MOB3B: variants seen among roughly 807,000 people sequenced by gnomAD.
MOB3B encodes the protein MOB kinase activator 3B, also known as MOB kinase activator-like 2B.
Under a neutral mutation model 18.7 loss-of-function variants are expected in MOB3B, and 7 were observed. The observed-to-expected ratio is 0.37, with a 90% CI of 0.21 to 0.70. The LOEUF (loss-of-function observed/expected upper bound fraction) is 0.70, where lower values mean the gene tolerates loss of function less well. Among genes scored for constraint, MOB3B ranks in the 30% least tolerant of loss-of-function variants. The pLI, the probability that MOB3B is intolerant of heterozygous loss-of-function variation, is 0.52. For missense variants in MOB3B, 253 were observed against 281.3 expected, an observed-to-expected ratio of 0.90 and a Z score of 0.72; for synonymous variants, 111 against 99.9, an observed-to-expected ratio of 1.11 and a Z score of -0.66.
chr9:27,479,569 AAGAT>A (rs1182500752), intron 1 of MOB3B, among the ~76,000 whole-genome samples: 1 of 152,212 alleles, frequency 6.6e-6, no homozygotes, highest in South Asian at 2.1e-4. Flanking sequence ...AACTAAGAAA[AAGAT>A]AAATAAGCAA....
intron 3 of MOB3B, among the ~76,000 whole-genome samples, chr9:27,338,389 A>G (rs557955457): frequency 8.8e-4 from 134 of 152,264 alleles, no homozygotes; most frequent in African/African-American, 3.1e-3. Context: ...AAAGAGAGAT[A>G]GAGGATCCCA....
chr9:27,490,898 C>T (rs1362963139), intron 1 of MOB3B, among the ~76,000 whole-genome samples: 2 of 151,318 alleles, frequency 1.3e-5, no homozygotes, highest in African/African-American at 2.4e-5. Flanking sequence ...AAAGCAAATT[C>T]GAAGGAGAAA....
At chr9:27,444,154 A>AGAAGGAAGGAAAGAAG (rs1822640874) in intron 2 of MOB3B, among the ~76,000 whole-genome samples, 4 of 142,572 alleles carry the variant, frequency 2.8e-5, no homozygotes, top group Non-Finnish European at 6.0e-5. Flanking sequence ...GAAGAAGGAA[A>AGAAGGAAGGAAAGAAG]GAAGGAAGGA....
chr9:27,385,720 G>A (rs1216604412), intron 2 of MOB3B, among the ~76,000 whole-genome samples: 2 of 152,196 alleles, frequency 1.3e-5, no homozygotes, highest in African/African-American at 4.8e-5. Context: ...TTGCCCTAAT[G>A]GATTCTGGCA....
Position 27,524,439 on chromosome 9 carries a change from G to A in MOB3B, c.-199+5116C>T, listed in dbSNP as rs371740251. On this transcript the variant is annotated intron_variant, in intron 1 of 3. Coordinates refer to ENST00000262244, the MANE Select transcript of MOB3B (RefSeq NM_024761.5). ...ATCCCTGGACTGTAACTTACTGAACGTTCACCTGAGAAGAGTCACCTGGCA... is the reference window on the plus strand; with the variant it reads ...ATCCCTGGACTGTAACTTACTGAACATTCACCTGAGAAGAGTCACCTGGCA... 18 of 1,613,950 alleles carry A rather than the reference G, an allele frequency of 1.1e-5. No homozygotes were observed. Among genetic ancestry groups the A allele is most frequent in the East Asian group, 2.2e-5 (1 of 44,892 alleles).
At chr9:27,371,630 T>C (rs879887853) in intron 2 of MOB3B, among the ~76,000 whole-genome samples, 1 of 152,210 alleles carries the variant, frequency 6.6e-6, no homozygotes, top group Non-Finnish European at 1.5e-5. Flanking sequence ...TATCACATAT[T>C]CACATGCCTT....
At chr9:27,343,447 C>T (rs1341696004) in intron 3 of MOB3B, among the ~76,000 whole-genome samples, 4 of 143,850 alleles carry the variant, frequency 2.8e-5, no homozygotes, top group East Asian at 2.1e-4. Context: ...TCCCCCTCTC[C>T]GAGAAACACC....
intron 2 of MOB3B, among the ~76,000 whole-genome samples, chr9:27,449,974 T>A (rs1822757999): frequency 7.2e-6 from 1 of 138,618 alleles, no homozygotes; most frequent in African/African-American, 2.7e-5. Flanking sequence ...CGAGACTCTG[T>A]CTCAAAAATT....
chr9:27,514,249 A>C (rs1215219970), intron 1 of MOB3B, among the ~76,000 whole-genome samples: 1 of 151,034 alleles, frequency 6.6e-6, no homozygotes, highest in Non-Finnish European at 1.5e-5. Context: ...TGGAGGCATA[A>C]GGCTATCCTG....
chr9:27,462,060 G>A (rs868044268), intron 1 of MOB3B, among the ~76,000 whole-genome samples: 5 of 152,160 alleles, frequency 3.3e-5, no homozygotes, highest in Middle Eastern at 3.2e-3. Flanking sequence ...TGACAAAGAT[G>A]AAGACCTTTT....
At chr9:27,495,011 G>C (rs557322500) in intron 1 of MOB3B, among the ~76,000 whole-genome samples, 2 of 152,226 alleles carry the variant, frequency 1.3e-5, no homozygotes, top group African/African-American at 4.8e-5. Context: ...GAGTGGCAAG[G>C]TTCTTGGGAA....
intron 2 of MOB3B, among the ~76,000 whole-genome samples, chr9:27,402,535 A>C (rs572105762): frequency 6.6e-6 from 1 of 152,366 alleles, no homozygotes; most frequent in South Asian, 2.1e-4. Context: ...GAACACGATA[A>C]ATGTCTATTA....
At chr9:27,388,760 A>G (rs528311287) in intron 2 of MOB3B, among the ~76,000 whole-genome samples, 11 of 151,930 alleles carry the variant, frequency 7.2e-5, no homozygotes, top group South Asian at 2.1e-4. Flanking sequence ...CCTGCCTTCA[A>G]TCTCCCCCAT....
chr9:27,368,349 T>TACACAC (rs747975520), intron 2 of MOB3B, among the ~76,000 whole-genome samples: 7 of 115,778 alleles, frequency 6.0e-5, no homozygotes, highest in Non-Finnish European at 8.8e-5. Context: ...TACACACACA[T>TACACAC]ACATACACAC....
intron 3 of MOB3B, among the ~76,000 whole-genome samples, chr9:27,357,160 G>GTATATATATATATAT (rs1821205289): frequency 4.9e-5 from 2 of 40,578 alleles, no homozygotes; most frequent in Non-Finnish European, 5.6e-5. Flanking sequence ...TTTTTTTTTT[G>GTATATATATATATAT]CCATATATTC....
chr9:27,483,511 T>C (rs1461509207), intron 1 of MOB3B, among the ~76,000 whole-genome samples: 1 of 152,234 alleles, frequency 6.6e-6, no homozygotes, highest in Admixed American at 6.5e-5. Flanking sequence ...AAATATTTTC[T>C]TGTGCATGAA....
intron 2 of MOB3B, among the ~76,000 whole-genome samples, chr9:27,424,875 T>C (rs930229816): frequency 6.6e-6 from 1 of 152,174 alleles, no homozygotes; most frequent in Non-Finnish European, 1.5e-5. Flanking sequence ...ACCAAAACTC[T>C]AGAGAGAAAC....
chr9:27,495,907 A>G (rs1185537835), intron 1 of MOB3B, among the ~76,000 whole-genome samples: 2 of 152,214 alleles, frequency 1.3e-5, no homozygotes, highest in Non-Finnish European at 1.5e-5. Context: ...CCTTTTCTCA[A>G]GGGACATCTC....
chr9:27,380,788 T>C (rs1821567692), intron 2 of MOB3B, among the ~76,000 whole-genome samples: 3 of 144,374 alleles, frequency 2.1e-5, no homozygotes, highest in Admixed American at 7.1e-5. Context: ...CACCCCCTCA[T>C]AGTTCCTAAC....
Sources: gnomAD v4.1 joint callset for allele counts (sites outside exome capture counted in the v4.1 genomes callset) on GRCh38, gnomAD v4.1.1 for gene constraint, MANE v1.5 for transcripts, NCBI Gene and HGNC (gene_info 2026-07-23, HGNC 2026-07-21) for gene names.